ITGB3: variants seen among roughly 807,000 people sequenced by gnomAD.
The protein encoded by ITGB3 is integrin beta-3.
Under a neutral mutation model 85.8 loss-of-function variants are expected in ITGB3, and 48 were observed. That is an observed-to-expected ratio of 0.56 (90% confidence interval 0.44 to 0.71). The LOEUF (loss-of-function observed/expected upper bound fraction) is 0.71. Ranked by LOEUF, ITGB3 falls within the 30% of genes least tolerant of loss-of-function variation. The pLI, the probability that ITGB3 is intolerant of heterozygous loss-of-function variation, is 0.00. For synonymous variants in ITGB3, 363 were observed against 395.6 expected (o/e 0.92, Z 0.98); for missense variants, 861 against 1,019.1 (o/e 0.84, Z 2.11).
intron 1 of ITGB3, among the ~76,000 whole-genome samples, chr17:47,258,713 G>C (rs748883390): frequency 9.2e-5 from 14 of 152,138 alleles, no homozygotes; most frequent in Non-Finnish European, 1.6e-4. Context: ...AAAGTGTTGG[G>C]ATTACAGGCG....
At chr17:47,254,622 G>T (rs1021174240) in intron 1 of ITGB3, among the ~76,000 whole-genome samples, 3 of 152,170 alleles carry the variant, frequency 2.0e-5, no homozygotes, top group African/African-American at 7.2e-5. Flanking sequence ...AATCTCTAGT[G>T]TATTCGGGGA....
Position 47,312,430 on chromosome 17 carries a change from C to A in ITGB3, c.*2226C>A, listed in dbSNP as rs1361901147. Among the ~76,000 whole-genome samples the A allele has an allele frequency of 6.6e-6, 1 of 152,088 alleles. No individual in the cohort carries two copies. Among genetic ancestry groups the A allele is most frequent in the African/African-American group, 2.4e-5 (1 of 41,426 alleles). On this transcript the variant is annotated 3_prime_UTR_variant, in exon 15 of 15. Transcript: ENST00000559488. ...GGGGCGGGGAGGGATAGTCATGGATCCAAGAAGTCCTTAGAAATAGTGGCA... is the reference window on the plus strand; with the variant it reads ...GGGGCGGGGAGGGATAGTCATGGATACAAGAAGTCCTTAGAAATAGTGGCA...
At chr17:47,297,881 CAAAA>C (rs10665875) in intron 10 of ITGB3, among the ~76,000 whole-genome samples, 1 of 115,782 alleles carries the variant, frequency 8.6e-6, no homozygotes, top group Non-Finnish European at 1.8e-5. Context: ...GACTCTGTCT[CAAAA>C]AAAAAAAAAA....
chr17:47,308,957 CCCTCCCCTCT>C (rs2065201767), intron 14 of ITGB3, among the ~76,000 whole-genome samples: 1 of 128,644 alleles, frequency 7.8e-6, no homozygotes, highest in Non-Finnish European at 1.7e-5. Context: ...CCCTCCCCTC[CCCTCCCCTCT>C]CCTCCCCTCC....
chr17:47,258,376 G>A (rs2064997615), intron 1 of ITGB3, among the ~76,000 whole-genome samples: 1 of 151,574 alleles, frequency 6.6e-6, no homozygotes, highest in Non-Finnish European at 1.5e-5. Flanking sequence ...AGACTCTCCA[G>A]CAAAAAAGTG....
At chr17:47,286,698 A>T (rs2065103978) in intron 5 of ITGB3, among the ~76,000 whole-genome samples, 1 of 152,218 alleles carries the variant, frequency 6.6e-6, no homozygotes, top group Non-Finnish European at 1.5e-5. Context: ...AGGCTGAGTT[A>T]ACTTAACCTC....
intron 6 of ITGB3, 151 bp from the exon 7 acceptor site, chr17:47,289,530 G>A (rs1016413431): frequency 7.5e-6 from 5 of 664,328 alleles, no homozygotes; most frequent in Non-Finnish European, 1.3e-5. Context: ...TTGCTATGTT[G>A]CCCAGGCTCT....
Position 47,310,924 on chromosome 17 carries a change from G to A in ITGB3, c.*720G>A. 1 of 156,316 alleles carries A rather than the reference G, an allele frequency of 6.4e-6. No homozygotes were observed. Among genetic ancestry groups the A allele is most frequent in the Admixed American group, 6.2e-5 (1 of 16,258 alleles). 9.7% of individuals were successfully genotyped at this position (156,316 alleles called of 1,614,324 possible). Reference sequence around the variant, plus strand: ...GCCACTCAGGGGTCATTCATGGCCTGGGGGATGTACCAGCATCTCCCAGTT... The same window carrying A: ...GCCACTCAGGGGTCATTCATGGCCTAGGGGATGTACCAGCATCTCCCAGTT... On this transcript the variant is annotated 3_prime_UTR_variant, in exon 15 of 15. Coordinates refer to ENST00000559488, the MANE Select transcript of ITGB3 (RefSeq NM_000212.3).
At chr17:47,259,814 G>A (rs201549879) in intron 1 of ITGB3, among the ~76,000 whole-genome samples, 1 of 152,108 alleles carries the variant, frequency 6.6e-6, no homozygotes, top group Non-Finnish European at 1.5e-5. Context: ...CAGGAGAATC[G>A]CTTGAACCCA....
intron 5 of ITGB3, 102 bp downstream of exon 5, chr17:47,286,524 A>C: frequency 2.1e-6 from 3 of 1,413,194 alleles, no homozygotes; most frequent in Non-Finnish European, 3.0e-6. Flanking sequence ...ATGAGATGAG[A>C]ACTAAGCAGG....
intron 1 of ITGB3, 95 bp from the exon 2 acceptor site, chr17:47,274,324 T>A: frequency 1.9e-6 from 2 of 1,054,144 alleles, no homozygotes; most frequent in Non-Finnish European, 2.9e-6. Context: ...CTGAGAGCTG[T>A]AAACCTGGAC....
chr17:47,296,674 C>G (rs965678928), intron 10 of ITGB3, among the ~76,000 whole-genome samples: 1 of 152,168 alleles, frequency 6.6e-6, no homozygotes, highest in Non-Finnish European at 1.5e-5. Flanking sequence ...ATTGTTATAA[C>G]TGGAAAGGTG....
rs943122888 is a variant in ITGB3, at chr17:47,289,768, C to T, written c.1027C>T (p.Leu343Phe). 5.0e-6 allele frequency: 8 copies of T among 1,611,836 alleles called. No homozygotes were observed. In the East Asian group the frequency reaches 1.6e-4, roughly 31 times the overall value. ...TGCAGTGACTGAAAATGTAGTCAAT[C>T]TCTATCAGGTGACTGTGCCTTCGGG... ...IFAVTENVVNLYQNYSELIPG... is the reference protein window; with the variant it reads ...IFAVTENVVNFYQNYSELIPG... Residue 343 changes from leucine (L) to phenylalanine (F), a missense_variant, in exon 7 of 15, where the codon CTC (leucine) becomes TTC (phenylalanine). Coordinates refer to ENST00000559488, the MANE Select transcript of ITGB3 (RefSeq NM_000212.3).
At chr17:47,262,348 GCTT>G (rs1365644988) in intron 1 of ITGB3, among the ~76,000 whole-genome samples, 1 of 152,184 alleles carries the variant, frequency 6.6e-6, no homozygotes, top group Non-Finnish European at 1.5e-5. Context: ...GTACAGACCT[GCTT>G]CTTCTGTATA....
rs1279161399 is a variant in ITGB3 at position 47,312,256 on chromosome 17, C to A, written c.*2052C>A. On this transcript the variant is annotated 3_prime_UTR_variant, in exon 15 of 15. Transcript: ENST00000559488. ...CATCCACATATTAGGGAAGAGGAAT[C>A]CATAAGTAGCTGAAATATCTATTCT... Among the ~76,000 whole-genome samples, 1 of 152,212 alleles carries A rather than the reference C, an allele frequency of 6.6e-6. No homozygotes were observed. The highest frequency in any genetic ancestry group is 2.4e-5 in the African/African-American group (1 of 41,450).
chr17:47,307,761 A>T (rs902416389), intron 14 of ITGB3, 124 bp downstream of exon 14: 2 of 930,422 alleles, frequency 2.1e-6, no homozygotes, highest in African/African-American at 3.3e-5. Flanking sequence ...TCTGTTCTGG[A>T]AACTGGGAGA....
At chr17:47,304,429 A>C (rs942569597) in intron 13 of ITGB3, among the ~76,000 whole-genome samples, 1 of 152,218 alleles carries the variant, frequency 6.6e-6, no homozygotes, top group Non-Finnish European at 1.5e-5. Context: ...GGCCAAATGG[A>C]ATTTAACCAC....
chr17:47,309,731 A>G (rs935541169), intron 14 of ITGB3, among the ~76,000 whole-genome samples: 1 of 151,644 alleles, frequency 6.6e-6, no homozygotes, highest in African/African-American at 2.4e-5. Flanking sequence ...CCATCTCTAC[A>G]AAAAAATGCA....
intron 1 of ITGB3, among the ~76,000 whole-genome samples, chr17:47,271,226 C>T (rs908393618): frequency 2.0e-5 from 3 of 152,122 alleles, no homozygotes; most frequent in Admixed American, 1.3e-4. Flanking sequence ...GTGGGTGACT[C>T]GATTAGGATG....
Sources: gnomAD v4.1 joint callset for allele counts (sites outside exome capture counted in the v4.1 genomes callset) on GRCh38, gnomAD v4.1.1 for gene constraint, MANE v1.5 for transcripts, NCBI Gene and HGNC (gene_info 2026-07-23, HGNC 2026-07-21) for gene names.